The following SLC25A45 variants were observed in gnomAD, a reference collection of about 807,000 sequenced individuals.
SLC25A45 encodes the protein solute carrier family 25 member 45.
SLC25A45 carries 22 observed loss-of-function variants against 23.0 expected under a neutral mutation model. The ratio of observed to expected loss-of-function variants is 0.95; its 90% CI spans 0.68 to 1.36. SLC25A45 has a LOEUF of 1.36. Ranked by LOEUF, SLC25A45 falls within the 40% of genes most tolerant of loss-of-function variation. The probability of loss-of-function intolerance (pLI) is 0.00; values close to 1 mark genes in which losing one functional copy is unlikely to be tolerated. For synonymous variants in SLC25A45, 136 were observed against 155.0 expected (o/e 0.88, Z 0.91); for missense variants, 355 against 383.5 (o/e 0.93, Z 0.62).
chr11:65,381,819 C>T, intron 2 of SLC25A45, 96 bp downstream of exon 2: 2 of 1,514,538 alleles, frequency 1.3e-6, no homozygotes, highest in African/African-American at 1.4e-5. Context: ...GGCCGGAACT[C>T]AGACTTTGGT....
intron 5 of SLC25A45, chr11:65,377,318 C>T (rs1855269378): frequency 3.8e-5 from 52 of 1,372,186 alleles, no homozygotes; most frequent in Non-Finnish European, 4.9e-5. Context: ...CCTCATGCAA[C>T]AGTGACCAAC....
chr11:65,379,292 G>C (rs1457581855), intron 5 of SLC25A45, 84 bp downstream of exon 5: 1 of 1,504,824 alleles, frequency 6.6e-7, no homozygotes, highest in Non-Finnish European at 9.1e-7. Flanking sequence ...CCACAGCTGT[G>C]GGTCGCCAGG....
intron 2 of SLC25A45, chr11:65,380,604 G>A (rs1450893475): frequency 3.1e-6 from 4 of 1,293,558 alleles, no homozygotes; most frequent in South Asian, 2.5e-5. Flanking sequence ...AGGCCCTGCT[G>A]CCAGCTGGCC....
At chr11:65,380,484 C>A in intron 2 of SLC25A45, 1 of 1,343,446 alleles carries the variant, frequency 7.4e-7, no homozygotes, top group Non-Finnish European at 1.0e-6. Flanking sequence ...ACCCGGGTAT[C>A]CCACCGCCTA....
At position 65,376,519 on chromosome 11, in the gene SLC25A45, T is replaced by G. The variant is rs749383103; in HGVS notation, c.755A>C (p.Gln252Pro). The change falls in exon 7 of 7, where the codon CAG becomes CCG. Residue 252 changes from glutamine to proline, a missense_variant. Gln to Pro is a moderately conservative substitution (Grantham distance 76). Transcript: ENST00000398802. The part of the protein sequence containing the change: ...MLDCMVSSIR[Q>P]EGLGVFFRGV... ...CCGGAAGAAGACTCCCAGTCCTTCC[T>G]GCCGGATGCTGCTCACCATGCAGTC... 86 of 1,614,084 alleles carry G rather than the reference T, an allele frequency of 5.3e-5. No homozygotes were observed. Among genetic ancestry groups the G allele is most frequent in the Middle Eastern group, 1.6e-4 (1 of 6,084 alleles).
chr11:65,379,333 C>T (rs763940193), intron 5 of SLC25A45, 43 bp downstream of exon 5: 1 of 1,596,128 alleles, frequency 6.3e-7, no homozygotes. Context: ...TCGAGATGAC[C>T]ATCCCTATGA....
At position 65,382,415 on chromosome 11, in the gene SLC25A45, G is replaced by C. The variant is rs1261350996; in HGVS notation, c.-19+71C>G. 1 of 194,200 alleles carries C rather than the reference G, an allele frequency of 5.1e-6. No homozygotes were observed. Among genetic ancestry groups the C allele is most frequent in the Non-Finnish European group, 1.1e-5 (1 of 90,632 alleles). The allele number at this position is 194,200 out of a possible 1,614,324, so 12.0% of individuals were successfully genotyped here. A position where few individuals can be genotyped will look rare whatever the true frequency, so the allele number is the denominator to read the frequency against. On this transcript the variant is annotated intron_variant, in intron 1 of 6. Transcript: ENST00000398802. The surrounding 1 kb of genome is among the most constrained non-coding windows in gnomAD (Gnocchi z 4.4). ...GGGTGCGGAGGTAGCGTGGCCACCAGGGGGTAGGCCCAGCCCGCATTTGCC... is the reference window on the plus strand; with the variant it reads ...GGGTGCGGAGGTAGCGTGGCCACCACGGGGTAGGCCCAGCCCGCATTTGCC...
rs1855598691 is a variant in SLC25A45 at position 65,382,086 on chromosome 11, C to T, written c.-18-117G>A. The T allele has an allele frequency of 1.3e-6, 1 of 792,968 alleles. No individual in the cohort carries two copies. 49.1% of individuals were successfully genotyped at this position (792,968 alleles called of 1,614,324 possible). On this transcript the variant is annotated intron_variant, in intron 1 of 6. Transcript: ENST00000398802. The surrounding 1 kb of genome is among the most constrained non-coding windows in gnomAD (Gnocchi z 4.4). The stretch of plus-strand genomic sequence containing the variant: ...CGGGAAGGTGAGAATTGGCCTGGTG[C>T]CCAGACCTCCGGCAACTGGCAGAGG...
chr11:65,377,118 G>A, intron 5 of SLC25A45, 42 bp from the exon 6 acceptor site: 2 of 1,589,666 alleles, frequency 1.3e-6, no homozygotes, highest in African/African-American at 1.4e-5. Flanking sequence ...GGGGCTTTGG[G>A]CTGGGAACTG....
rs1855594809 is a variant in SLC25A45 at position 65,382,031 on chromosome 11, T to G, written c.-18-62A>C. 1 of 1,204,126 alleles carries G rather than the reference T, an allele frequency of 8.3e-7. No homozygotes were observed. Among genetic ancestry groups the G allele is most frequent in the Non-Finnish European group, 1.2e-6 (1 of 806,612 alleles). 74.6% of individuals were successfully genotyped at this position (1,204,126 alleles called of 1,614,324 possible). ...CCCCTCTCCCTCCCCTGGCCCACGCTGATAACCTCCCACTAATGTTTAACC... is the reference window on the plus strand; with the variant it reads ...CCCCTCTCCCTCCCCTGGCCCACGCGGATAACCTCCCACTAATGTTTAACC... On this transcript the variant is annotated intron_variant, in intron 1 of 6. Coordinates refer to ENST00000398802, the MANE Select transcript of SLC25A45 (RefSeq NM_182556.4). This position sits in a 1 kb window ranked among gnomAD's most constrained non-coding sequence, Gnocchi z 4.4.
chr11:65,375,760 A>G lies in SLC25A45; in HGVS notation c.*647T>C, dbSNP rs1159021612. 3.3e-5 allele frequency: 5 copies of G among 152,364 alleles called. No individual in the cohort carries two copies. Among genetic ancestry groups the G allele is most frequent in the African/African-American group, 1.2e-4 (5 of 41,372 alleles). 9.4% of individuals were successfully genotyped at this position (152,364 alleles called of 1,614,324 possible). ...GGGACTCTCAGAAGTGGAGTCTCAGAGCTCCTTAAGAGGTGAAGGCAGCCG... is the reference window on the plus strand; with the variant it reads ...GGGACTCTCAGAAGTGGAGTCTCAGGGCTCCTTAAGAGGTGAAGGCAGCCG... On this transcript the variant is annotated 3_prime_UTR_variant, in exon 7 of 7. Transcript: ENST00000398802.
chr11:65,376,815 T>TA lies in SLC25A45; in HGVS notation c.598+2dup. 6.2e-7 allele frequency: 1 copy of TA among 1,614,220 alleles called. No individual in the cohort carries two copies. Among genetic ancestry groups the TA allele is most frequent in the African/African-American group, 1.3e-5 (1 of 75,058 alleles). On this transcript the variant is annotated splice_region_variant and intron_variant, in intron 6 of 6. Coordinates refer to ENST00000398802, the MANE Select transcript of SLC25A45 (RefSeq NM_182556.4). ...CCCCATCCTCTCACGCCACTTTACTTACTGGGATTCTGGCCTTCTGGTGTG... is the reference window on the plus strand; with the variant it reads ...CCCCATCCTCTCACGCCACTTTACTTAACTGGGATTCTGGCCTTCTGGTGTG...
chr11:65,376,961 G>A lies in SLC25A45; in HGVS notation c.455C>T (p.Ala152Val), dbSNP rs1222448522. Residue 152 changes from alanine (A) to valine (V), a missense_variant, in exon 6 of 7, where the codon GCC becomes GTC. Coordinates refer to ENST00000398802, the MANE Select transcript of SLC25A45 (RefSeq NM_182556.4). ...PRYQGPVHCA[A>V]SIFREEGPRG... ...GGGCCCCTCCTCCCGGAAGATGGAG[G>A]CTGCACAGTGCACGGGCCCCTGGTA... 3.1e-6 allele frequency: 5 copies of A among 1,613,154 alleles called. No homozygotes were observed. Among genetic ancestry groups the A allele is most frequent in the Middle Eastern group, 1.6e-4 (1 of 6,078 alleles).
At chr11:65,379,616 C>T in intron 4 of SLC25A45, 55 bp from the exon 5 acceptor site, 1 of 1,517,922 alleles carries the variant, frequency 6.6e-7, no homozygotes. Flanking sequence ...CCCCTTTGTC[C>T]TCTCCACCCC....
chr11:65,382,324 G>A lies in SLC25A45; in HGVS notation c.-19+162C>T. The A allele has an allele frequency of 3.4e-6, 1 of 293,310 alleles. No individual in the cohort carries two copies. The highest frequency in any genetic ancestry group is 4.2e-5 in the Admixed American group (1 of 23,574). 18.2% of individuals were successfully genotyped at this position (293,310 alleles called of 1,614,324 possible). On this transcript the variant is annotated intron_variant, in intron 1 of 6. Transcript: ENST00000398802. This position sits in a 1 kb window ranked among gnomAD's most constrained non-coding sequence, Gnocchi z 4.4. ...AGGCAAGCCCCTGCCTGCCCAGCCA[G>A]CCCAGCTCCACTCCCATTCATCTCC...
At position 65,381,812 on chromosome 11, in the gene SLC25A45, C is replaced by T. The variant is rs184560029; in HGVS notation, c.37+103G>A. 207 of 1,446,158 alleles carry T rather than the reference C, an allele frequency of 1.4e-4. 1 individual carries two copies. The Admixed American group carries it at 1.5e-3, about 10-fold the overall frequency. 89.6% of individuals were successfully genotyped at this position (1,446,158 alleles called of 1,614,324 possible). ...GGCTCAAGTGATCCTCCCGCCAGGC[C>T]GGAACTCAGACTTTGGTCTCTGCTC... On this transcript the variant is annotated intron_variant, in intron 2 of 6. Transcript: ENST00000398802.
Position 65,382,051 on chromosome 11 carries a change from T to C in SLC25A45, c.-18-82A>G. On this transcript the variant is annotated intron_variant, in intron 1 of 6. Coordinates refer to ENST00000398802, the MANE Select transcript of SLC25A45 (RefSeq NM_182556.4). This position sits in a 1 kb window ranked among gnomAD's most constrained non-coding sequence, Gnocchi z 4.4. ...CACGCTGATAACCTCCCACTAATGTTTAACCCTGGCGGGAAGGTGAGAATT... is the reference window on the plus strand; with the variant it reads ...CACGCTGATAACCTCCCACTAATGTCTAACCCTGGCGGGAAGGTGAGAATT... 9.4e-7 allele frequency: 1 copy of C among 1,058,674 alleles called. No individual in the cohort carries two copies. The highest frequency in any genetic ancestry group is 1.5e-6 in the Non-Finnish European group (1 of 677,222). The allele number at this position is 1,058,674 out of a possible 1,614,324, so 65.6% of individuals were successfully genotyped here. A position where few individuals can be genotyped will look rare whatever the true frequency, so the allele number is the denominator to read the frequency against.
At position 65,376,962 on chromosome 11, in the gene SLC25A45, C is replaced by A; in HGVS notation, c.454G>T (p.Ala152Ser). The change falls in exon 6 of 7, where the codon GCC becomes TCC. Residue 152 changes from alanine (A) to serine (S), a missense_variant. Physicochemically the swap from Ala to Ser is moderately conservative, Grantham distance 99. Transcript: ENST00000398802. ...GGCCCCTCCTCCCGGAAGATGGAGG[C>A]TGCACAGTGCACGGGCCCCTGGTAC... ...PRYQGPVHCA[A>S]SIFREEGPRG... 6.2e-7 allele frequency: 1 copy of A among 1,613,220 alleles called. No homozygotes were observed. The highest frequency in any genetic ancestry group is 8.5e-7 in the Non-Finnish European group (1 of 1,179,530).
intron 5 of SLC25A45, chr11:65,379,039 T>G: frequency 3.2e-6 from 1 of 317,104 alleles, no homozygotes; most frequent in South Asian, 3.3e-5. Context: ...TTCTCCAGGG[T>G]CAAAGGTCTC....
Sources: gnomAD v4.1 joint callset for allele counts on GRCh38, gnomAD v4.1.1 for gene constraint, Gnocchi (gnomAD v3.1) non-coding constraint, MANE v1.5 for transcripts, NCBI Gene and HGNC (gene_info 2026-07-23, HGNC 2026-07-21) for gene names.